MFSD11: variants seen among roughly 807,000 people sequenced by gnomAD.
MFSD11 encodes UNC93-like protein MFSD11.
Under a neutral mutation model 53.5 loss-of-function variants are expected in MFSD11, and 36 were observed. The observed-to-expected ratio is 0.67, with a 90% CI of 0.52 to 0.89. MFSD11 has a LOEUF of 0.89. MFSD11 is among the 40% of genes least tolerant of loss of function. The pLI is 0.00. For synonymous variants in MFSD11, 186 were observed against 184.9 expected (o/e 1.01, Z -0.05); for missense variants, 530 against 543.9 (o/e 0.97, Z 0.25).
At chr17:76,760,909 T>A (rs2080161950) in intron 8 of MFSD11, among the ~76,000 whole-genome samples, 1 of 152,084 alleles carries the variant, frequency 6.6e-6, no homozygotes, top group Non-Finnish European at 1.5e-5. Flanking sequence ...ATTATATGCA[T>A]AAGACTACAT....
At chr17:76,798,901 C>G in the MFSD11 span, 1 of 151,774 alleles carries the variant, frequency 6.6e-6, no homozygotes, top group African/African-American at 2.4e-5. Flanking sequence ...GTGGCACATG[C>G]CTGTAATCCC....
chr17:76,774,980 G>A lies in MFSD11; in HGVS notation c.875-17G>A. 1 of 1,608,428 alleles carries A rather than the reference G, an allele frequency of 6.2e-7. No homozygotes were observed. The highest frequency in any genetic ancestry group is 8.5e-7 in the Non-Finnish European group (1 of 1,176,962). ...TTTCGGCAACATTAGTGACGTTTCTGCCATCTTGACTTATAGGTGGAAGCC... is the reference window on the plus strand; with the variant it reads ...TTTCGGCAACATTAGTGACGTTTCTACCATCTTGACTTATAGGTGGAAGCC... On this transcript the variant is annotated splice_polypyrimidine_tract_variant and intron_variant, in intron 10 of 12. Transcript: ENST00000685175.
At chr17:76,796,963 T>C in the MFSD11 span, among the ~76,000 whole-genome samples, 1 of 151,326 alleles carries the variant, frequency 6.6e-6, no homozygotes, top group South Asian at 2.1e-4. Flanking sequence ...AGGTCAGGAG[T>C]TCGAGACCAG....
the MFSD11 span, among the ~76,000 whole-genome samples, chr17:76,801,234 A>G: frequency 6.6e-6 from 1 of 151,936 alleles, no homozygotes; most frequent in African/African-American, 2.4e-5. Flanking sequence ...TCTACAAAAA[A>G]CTTAAAAAAT....
At chr17:76,742,347 GTTGACAA>G in intron 5 of MFSD11, 74 bp downstream of exon 5, 1 of 1,268,634 alleles carries the variant, frequency 7.9e-7, no homozygotes, top group Non-Finnish European at 1.1e-6. Context: ...TAGGTCTTTG[GTTGACAA>G]TTTGGATCTT....
downstream of MFSD11, among the ~76,000 whole-genome samples, chr17:76,783,862 C>A (rs1327977774): frequency 1.3e-5 from 2 of 152,070 alleles, no homozygotes; most frequent in African/African-American, 2.4e-5. Context: ...CCACTCCTGA[C>A]CCCCTTGGGA....
intron 8 of MFSD11, among the ~76,000 whole-genome samples, chr17:76,763,624 G>T (rs2080504624): frequency 6.6e-6 from 1 of 151,846 alleles, no homozygotes; most frequent in Admixed American, 6.6e-5. Flanking sequence ...AGTTGTAAGA[G>T]TTCTTTATAT....
intron 6 of MFSD11, 100 bp from the exon 7 acceptor site, chr17:76,744,222 C>A: frequency 1.8e-6 from 2 of 1,134,176 alleles, no homozygotes; most frequent in Non-Finnish European, 2.4e-6. Context: ...AAAAATGTAA[C>A]GAGGAAGTGT....
downstream of MFSD11, chr17:76,781,160 C>G (rs2082154745): frequency 6.6e-6 from 1 of 152,222 alleles, no homozygotes; most frequent in South Asian, 2.1e-4. Context: ...GGGGGAGGGC[C>G]TGCTTCCCTG....
chr17:76,775,386 C>T (rs1385503328), intron 11 of MFSD11, among the ~76,000 whole-genome samples: 3 of 152,166 alleles, frequency 2.0e-5, no homozygotes, highest in African/African-American at 7.2e-5. Context: ...TTTTCCCCCA[C>T]TAAATCTTTT....
At position 76,769,819 on chromosome 17, in the gene MFSD11, G is replaced by T; in HGVS notation, c.822G>T (p.Glu274Asp). 1 of 1,613,164 alleles carries T rather than the reference G, an allele frequency of 6.2e-7. No homozygotes were observed. Among genetic ancestry groups the T allele is most frequent in the Non-Finnish European group, 8.5e-7 (1 of 1,179,760 alleles). Residue 274 changes from glutamate to aspartate, a missense_variant, in exon 10 of 13, where the codon GAG becomes GAT. Coordinates refer to ENST00000685175, the MANE Select transcript of MFSD11 (RefSeq NM_001242532.5). Reference protein sequence around the residue: ...IGATNKFGAEEKSLIGLSGIF... With the variant: ...IGATNKFGAEDKSLIGLSGIF... ...CTACAAATAAATTTGGAGCAGAAGA[G>T]AAAAGCCTTATTGGACTTTCTGGCA... is the stretch of plus-strand genomic sequence containing the variant.
chr17:76,787,342 G>T, the MFSD11 span, among the ~76,000 whole-genome samples: 3 of 149,272 alleles, frequency 2.0e-5, no homozygotes, highest in Non-Finnish European at 3.0e-5. Flanking sequence ...TCGCCATGTT[G>T]GCCAGGCTGG....
At chr17:76,785,718 T>A (rs1240822873), downstream of MFSD11, among the ~76,000 whole-genome samples, 3 of 152,100 alleles carry the variant, frequency 2.0e-5, no homozygotes, top group African/African-American at 7.2e-5. Context: ...CACAGCATTA[T>A]AATGTATTTA....
intron 2 of MFSD11, among the ~76,000 whole-genome samples, chr17:76,739,444 G>A (rs1322113072): frequency 6.6e-6 from 1 of 152,178 alleles, no homozygotes; most frequent in Non-Finnish European, 1.5e-5. Context: ...TTTTTGTTAA[G>A]GTGATTAGTC....
chr17:76,737,320 T>A, upstream of MFSD11: 2 of 1,039,946 alleles, frequency 1.9e-6, no homozygotes, highest in Non-Finnish European at 1.3e-6. Flanking sequence ...CTAGCGCACC[T>A]GAGTAACAAC....
intron 10 of MFSD11, among the ~76,000 whole-genome samples, chr17:76,771,046 A>T (rs2081339829): frequency 6.6e-6 from 1 of 152,212 alleles, no homozygotes; most frequent in Admixed American, 6.5e-5. Context: ...CTCTAACAAC[A>T]ACAAAAAAAC....
At chr17:76,749,934 G>C (rs554698129) in intron 7 of MFSD11, among the ~76,000 whole-genome samples, 2 of 151,684 alleles carry the variant, frequency 1.3e-5, no homozygotes, top group Admixed American at 1.3e-4. Context: ...AAATATGAGG[G>C]TGGGAGGTGG....
the MFSD11 span, among the ~76,000 whole-genome samples, chr17:76,787,916 C>T: frequency 1.3e-5 from 2 of 150,230 alleles, no homozygotes; most frequent in Admixed American, 1.3e-4. Context: ...AAATTCCAAC[C>T]TAACTCTGGC....
At chr17:76,749,271 C>A (rs1286438700) in intron 7 of MFSD11, among the ~76,000 whole-genome samples, 4 of 152,028 alleles carry the variant, frequency 2.6e-5, no homozygotes, top group Non-Finnish European at 5.9e-5. Flanking sequence ...TAATAAAAAT[C>A]ATAGCACTTT....
Sources: gnomAD v4.1 joint callset for allele counts (sites outside exome capture counted in the v4.1 genomes callset) on GRCh38, gnomAD v4.1.1 for gene constraint, MANE v1.5 for transcripts, NCBI Gene and HGNC (gene_info 2026-07-23, HGNC 2026-07-21) for gene names.